Variants in NEDD4L observed in about 807,000 individuals in gnomAD.
The protein encoded by NEDD4L is E3 ubiquitin-protein ligase NEDD4-like.
A neutral mutation model predicts 148.9 loss-of-function variants in NEDD4L; 54 were observed. The observed-to-expected ratio is 0.36, with a 90% CI of 0.29 to 0.45. The LOEUF is 0.45. Ranked by LOEUF, NEDD4L falls within the 20% of genes least tolerant of loss-of-function variation. The probability of loss-of-function intolerance (pLI) is 1.00; values close to 1 mark genes in which losing one functional copy is unlikely to be tolerated. For missense variants in NEDD4L, 856 were observed against 1,233.8 expected, an observed-to-expected ratio of 0.69 and a Z score of 4.59; for synonymous variants, 433 against 440.7, an observed-to-expected ratio of 0.98 and a Z score of 0.22.
intron 4 of NEDD4L, 73 bp downstream of exon 4, chr18:58,249,010 A>G (rs1174246957): frequency 1.4e-6 from 1 of 720,862 alleles, no homozygotes; most frequent in African/African-American, 1.8e-5. Flanking sequence ...ATTCATCTTG[A>G]GGAAAAGCTC....
chr18:58,172,531 T>C (rs951092535), intron 2 of NEDD4L, among the ~76,000 whole-genome samples: 2 of 152,246 alleles, frequency 1.3e-5, no homozygotes, highest in African/African-American at 4.8e-5. Flanking sequence ...AAGTCCTATG[T>C]AGCAGGCACT....
chr18:58,344,954 T>G lies in NEDD4L; in HGVS notation c.1575+1851T>G, dbSNP rs186811221. 2.0e-5 allele frequency among the ~76,000 whole-genome samples: 3 copies of G among 152,334 alleles called. No homozygotes were observed. In the East Asian group the frequency reaches 5.8e-4, roughly 29 times the overall value. ...TTGGTAATCAAATCCCCTAACCTTT[T>G]CACAGCCTTTCAAGCCACAACAACA... On this transcript the variant is annotated intron_variant, in intron 16 of 30. Coordinates refer to ENST00000400345, the MANE Select transcript of NEDD4L (RefSeq NM_001144967.3).
At chr18:58,284,555 G>A (rs928814221) in intron 5 of NEDD4L, among the ~76,000 whole-genome samples, 9 of 135,560 alleles carry the variant, frequency 6.6e-5, no homozygotes, top group Non-Finnish European at 1.4e-4. Context: ...GTGGCAGAGG[G>A]AGAGTTATAC....
rs1396894218 is a variant in NEDD4L at position 58,387,417 on chromosome 18, ATG to A, written c.2488-20_2488-19del. The A allele has an allele frequency of 5.3e-6, 8 of 1,505,666 alleles. No homozygotes were observed. The South Asian group carries it at 7.9e-5, about 15-fold the overall frequency. 93.3% of individuals were successfully genotyped at this position (1,505,666 alleles called of 1,614,324 possible). On this transcript the variant is annotated intron_variant, in intron 26 of 30. Coordinates refer to ENST00000400345, the MANE Select transcript of NEDD4L (RefSeq NM_001144967.3). ...TTTTTGAAGGCAATAGGTGTTTAAGATGTTTTTTTTTTTTCTTTCAGGGATTC... is the reference window on the plus strand; with the variant it reads ...TTTTTGAAGGCAATAGGTGTTTAAGATTTTTTTTTTTTCTTTCAGGGATTC...
intron 2 of NEDD4L, among the ~76,000 whole-genome samples, chr18:58,213,879 T>C (rs2042862038): frequency 6.6e-6 from 1 of 152,242 alleles, no homozygotes; most frequent in African/African-American, 2.4e-5. Context: ...CCCGTTTGCC[T>C]GCCCTTTGGC....
chr18:58,385,386 C>CT, intron 25 of NEDD4L, 140 bp from the exon 26 acceptor site: 1 of 744,562 alleles, frequency 1.3e-6, no homozygotes, highest in Non-Finnish European at 2.5e-6. Context: ...CATGAATAAA[C>CT]TAAACAGTGG....
At chr18:58,385,677 C>T in intron 26 of NEDD4L, 91 bp downstream of exon 26, 3 of 1,072,588 alleles carry the variant, frequency 2.8e-6, no homozygotes, top group Non-Finnish European at 4.3e-6. Flanking sequence ...TGTGGTGGAG[C>T]TGATCAGAGA....
At chr18:58,225,146 A>G (rs1004910361) in intron 2 of NEDD4L, among the ~76,000 whole-genome samples, 21 of 151,980 alleles carry the variant, frequency 1.4e-4, no homozygotes, top group African/African-American at 4.8e-4. Context: ...ATTGGGGGGG[A>G]AGAGAATGAG....
chr18:58,157,815 C>T (rs1388978353), intron 1 of NEDD4L, among the ~76,000 whole-genome samples: 1 of 152,168 alleles, frequency 6.6e-6, no homozygotes. Context: ...TTTGAAGAAT[C>T]ACCCTAATAC....
intron 2 of NEDD4L, among the ~76,000 whole-genome samples, chr18:58,242,508 A>C (rs1382597910): frequency 6.6e-6 from 1 of 152,058 alleles, no homozygotes; most frequent in East Asian, 1.9e-4. Flanking sequence ...TGAATGAGAC[A>C]GGGTCTCACT....
chr18:58,188,541 A>G (rs1008879539), intron 2 of NEDD4L, among the ~76,000 whole-genome samples: 5 of 152,172 alleles, frequency 3.3e-5, no homozygotes, highest in African/African-American at 1.2e-4. Context: ...TGGGGCTCCT[A>G]ATTCTGTCCT....
chr18:58,360,652 A>G lies in NEDD4L; in HGVS notation c.1767+3400A>G, dbSNP rs971577188. On this transcript the variant is annotated intron_variant, in intron 19 of 30. Coordinates refer to ENST00000400345, the MANE Select transcript of NEDD4L (RefSeq NM_001144967.3). ...TTCTTAGCCTCTTTGAGATTATTCT[A>G]TTATCTCTGGTCCTAGGATCATTAA... is the stretch of plus-strand genomic sequence containing the variant. Among the ~76,000 whole-genome samples the G allele has an allele frequency of 4.0e-5, 6 of 151,820 alleles. No homozygotes were observed. In the East Asian group the frequency reaches 5.8e-4, roughly 15 times the overall value.
At chr18:58,067,028 A>G (rs1311181752) in intron 1 of NEDD4L, among the ~76,000 whole-genome samples, 1 of 152,190 alleles carries the variant, frequency 6.6e-6, no homozygotes, top group Non-Finnish European at 1.5e-5. Context: ...TGTCATTTTA[A>G]AAAAAAATTT....
In NEDD4L at chr18:58,178,778, C is replaced by T. The variant is rs748365139; in HGVS notation, c.122+12917C>T. Among the ~76,000 whole-genome samples, 5 of 152,208 alleles carry T rather than the reference C, an allele frequency of 3.3e-5. No homozygotes were observed. In the South Asian group the frequency reaches 8.3e-4, roughly 25 times the overall value. Reference sequence around the variant, plus strand: ...TTCAAGGGTTGTTCGCATTTTTATCCGTCATTGTTATAGGCATGTTATTGT... The same window carrying T: ...TTCAAGGGTTGTTCGCATTTTTATCTGTCATTGTTATAGGCATGTTATTGT... On this transcript the variant is annotated intron_variant, in intron 2 of 30. Coordinates refer to ENST00000400345, the MANE Select transcript of NEDD4L (RefSeq NM_001144967.3).
chr18:58,137,460 G>A (rs1194727769), intron 1 of NEDD4L, among the ~76,000 whole-genome samples: 1 of 152,172 alleles, frequency 6.6e-6, no homozygotes, highest in African/African-American at 2.4e-5. Context: ...AGCACCAGTG[G>A]GGAGTGGGTT....
At chr18:58,149,342 A>G in intron 1 of NEDD4L, 1 of 1,354,722 alleles carries the variant, frequency 7.4e-7, no homozygotes. Flanking sequence ...AGCCATTTCC[A>G]GAGAGGAACA....
In NEDD4L at chr18:58,397,351, G is replaced by A. The variant is rs1354657217; in HGVS notation, c.*1082G>A. 2 of 152,584 alleles carry A rather than the reference G, an allele frequency of 1.3e-5. No individual in the cohort carries two copies. The highest frequency in any genetic ancestry group is 4.8e-5 in the African/African-American group (2 of 41,438). The allele number at this position is 152,584 out of a possible 1,614,324, so 9.5% of individuals were successfully genotyped here. Reference sequence around the variant, plus strand: ...CTACATGGAGGTCATATCTGGTTTTGTTTTTATTTTTTTATCATGAACATT... The same window carrying A: ...CTACATGGAGGTCATATCTGGTTTTATTTTTATTTTTTTATCATGAACATT... On this transcript the variant is annotated 3_prime_UTR_variant, in exon 31 of 31. Transcript: ENST00000400345.
chr18:58,214,104 G>A lies in NEDD4L; in HGVS notation c.123-31323G>A, dbSNP rs567289055. On this transcript the variant is annotated intron_variant, in intron 2 of 30. Coordinates refer to ENST00000400345, the MANE Select transcript of NEDD4L (RefSeq NM_001144967.3). ...ACCACATTCCTGCTTTGGCCTACATGAAGTGCAAGGTAGCAGTGGGAAAAG... is the reference window on the plus strand; with the variant it reads ...ACCACATTCCTGCTTTGGCCTACATAAAGTGCAAGGTAGCAGTGGGAAAAG... Among the ~76,000 whole-genome samples, 4 of 152,328 alleles carry A rather than the reference G, an allele frequency of 2.6e-5. No homozygotes were observed. In the East Asian group the frequency reaches 7.7e-4, roughly 29 times the overall value.
rs569451116 is a variant in NEDD4L at position 58,124,580 on chromosome 18, C to T, written c.49-41208C>T. On this transcript the variant is annotated intron_variant, in intron 1 of 30. Transcript: ENST00000400345. ...TCTGTGCTCCATCTTTAGAGAGTCA[C>T]CTCTCTGTCTGGCATTCCCACTTGA... 5.3e-5 allele frequency among the ~76,000 whole-genome samples: 8 copies of T among 152,318 alleles called. No homozygotes were observed. The South Asian group carries it at 1.5e-3, about 28-fold the overall frequency.
Sources: gnomAD v4.1 joint callset for allele counts (sites outside exome capture counted in the v4.1 genomes callset) on GRCh38, gnomAD v4.1.1 for gene constraint, MANE v1.5 for transcripts, NCBI Gene and HGNC (gene_info 2026-07-23, HGNC 2026-07-21) for gene names.